Variants in NUDT5 observed in about 807,000 individuals in gnomAD.
NUDT5 encodes ADP-sugar pyrophosphatase.
In NUDT5, 21 loss-of-function variants were observed where a neutral mutation model predicts 34.1. The observed-to-expected ratio is 0.62, with a 90% CI of 0.44 to 0.89. The LOEUF (loss-of-function observed/expected upper bound fraction) is 0.89. Ranked by LOEUF, NUDT5 falls within the 40% of genes least tolerant of loss-of-function variation. The pLI is 0.00. For missense variants in NUDT5, 249 were observed against 274.8 expected, an observed-to-expected ratio of 0.91 and a Z score of 0.66; for synonymous variants, 85 against 97.6, an observed-to-expected ratio of 0.87 and a Z score of 0.76.
In NUDT5 at chr10:12,181,246, T is replaced by A. The variant is rs955413359; in HGVS notation, c.132-2114A>T. Among the ~76,000 whole-genome samples, 11 of 152,140 alleles carry A rather than the reference T, an allele frequency of 7.2e-5. No individual in the cohort carries two copies. Among genetic ancestry groups the A allele is most frequent in the Non-Finnish European group, 1.5e-4 (10 of 68,018 alleles). The stretch of plus-strand genomic sequence containing the variant: ...GTGATTACTCTAGAGATGAAGTGCG[T>A]GGGAGGATGTGCATAGGTTAGAGGC... On this transcript the variant is annotated intron_variant, in intron 3 of 9. Coordinates refer to ENST00000491614, the MANE Select transcript of NUDT5 (RefSeq NM_014142.4). This position sits in a 1 kb window ranked among gnomAD's most constrained non-coding sequence, Gnocchi z 5.0.
rs753833139 is a variant in NUDT5, at chr10:12,184,494, C to T, written c.131+395G>A. On this transcript the variant is annotated intron_variant, in intron 3 of 9. Transcript: ENST00000491614. ...GCATTTCCATGAGGCAGGCACGTAC[C>T]TCAAAATTAGCAATGTTGTTGTTTT... is the stretch of plus-strand genomic sequence containing the variant. 5 of 1,551,380 alleles carry T rather than the reference C, an allele frequency of 3.2e-6. No homozygotes were observed. In the South Asian group the frequency reaches 6.0e-5, roughly 19 times the overall value.
chr10:12,188,566 A>C (rs1835165808), intron 1 of NUDT5, among the ~76,000 whole-genome samples: 1 of 152,052 alleles, frequency 6.6e-6, no homozygotes, highest in Non-Finnish European at 1.5e-5. Flanking sequence ...CCCTGTCTCT[A>C]CTAAAAATAC....
At chr10:12,180,256 AAT>A (rs2131708249) in intron 3 of NUDT5, 1 of 152,380 alleles carries the variant, frequency 6.6e-6, no homozygotes, top group African/African-American at 2.4e-5. Context: ...CCGAAGGCCA[AAT>A]ATGTCAAAAT....
intron 3 of NUDT5, 29 bp from the exon 4 acceptor site, chr10:12,179,161 A>C: frequency 6.3e-7 from 1 of 1,599,806 alleles, no homozygotes; most frequent in South Asian, 1.1e-5. Flanking sequence ...AAAAAAAGTC[A>C]TTAGTGCTAC....
Position 12,170,265 on chromosome 10 carries a change from A to G in NUDT5, c.550+452T>C. 2.9e-6 allele frequency: 4 copies of G among 1,372,728 alleles called. No individual in the cohort carries two copies. The South Asian group carries it at 3.5e-5, about 12-fold the overall frequency. 85.0% of individuals were successfully genotyped at this position (1,372,728 alleles called of 1,614,324 possible). The stretch of plus-strand genomic sequence containing the variant: ...ATGTGAAAAGCATATCACACGGAGT[A>G]TACAGGAAATACCTCAAGTATTTGT... On this transcript the variant is annotated intron_variant, in intron 9 of 9. Coordinates refer to ENST00000491614, the MANE Select transcript of NUDT5 (RefSeq NM_014142.4). This position sits in a 1 kb window ranked among gnomAD's most constrained non-coding sequence, Gnocchi z 4.9.
chr10:12,190,485 C>T (rs1016366849), intron 1 of NUDT5, among the ~76,000 whole-genome samples: 11 of 152,130 alleles, frequency 7.2e-5, no homozygotes, highest in African/African-American at 1.9e-4. Flanking sequence ...CCCTTGAGCA[C>T]GTTACAGTTT....
At chr10:12,184,766 C>T in intron 3 of NUDT5, 123 bp downstream of exon 3, 4 of 685,814 alleles carry the variant, frequency 5.8e-6, no homozygotes, top group Middle Eastern at 5.2e-4. Context: ...GGAAAAACAG[C>T]TAAATCAGAT....
intron 9 of NUDT5, 166 bp from the exon 10 acceptor site, chr10:12,167,977 TA>T (rs1834748678): frequency 7.8e-7 from 1 of 1,281,982 alleles, no homozygotes; most frequent in Non-Finnish European, 1.0e-6. Flanking sequence ...ATAAAGACTA[TA>T]AAGGCAAGAT....
chr10:12,166,766 C>G lies in NUDT5; in HGVS notation c.*936G>C, dbSNP rs1424417535. The G allele has an allele frequency of 2.0e-6, 1 of 498,316 alleles. No homozygotes were observed. The highest frequency in any genetic ancestry group is 4.1e-6 in the Non-Finnish European group (1 of 242,688). 30.9% of individuals were successfully genotyped at this position (498,316 alleles called of 1,614,324 possible). A position where few individuals can be genotyped will look rare whatever the true frequency, so the allele number is the denominator to read the frequency against. On this transcript the variant is annotated 3_prime_UTR_variant, in exon 10 of 10. Coordinates refer to ENST00000491614, the MANE Select transcript of NUDT5 (RefSeq NM_014142.4). ...GCCCTAAAAGTCAACACAAAAAGAG[C>G]TAAACTCACTCAAGAAGCTAAGAAA... is the stretch of plus-strand genomic sequence containing the variant.
At chr10:12,184,472 T>A in intron 3 of NUDT5, 1 of 1,548,456 alleles carries the variant, frequency 6.5e-7, no homozygotes, top group Non-Finnish European at 8.7e-7. Flanking sequence ...CCAATTTGCA[T>A]TTCCATGAGG....
intron 2 of NUDT5, among the ~76,000 whole-genome samples, chr10:12,185,553 TACTGA>T (rs1186839076): frequency 2.6e-5 from 4 of 152,246 alleles, no homozygotes; most frequent in Non-Finnish European, 5.9e-5. Flanking sequence ...TACGGCACTA[TACTGA>T]ACTGAGAGGA....
intron 9 of NUDT5, 187 bp from the exon 10 acceptor site, chr10:12,167,998 A>G: frequency 4.5e-6 from 5 of 1,112,396 alleles, no homozygotes; most frequent in African/African-American, 1.6e-5. Context: ...TTACATTCCT[A>G]GCATGAGACA....
chr10:12,186,159 C>T, intron 2 of NUDT5, 70 bp downstream of exon 2: 1 of 1,134,998 alleles, frequency 8.8e-7, no homozygotes, highest in Non-Finnish European at 1.3e-6. Flanking sequence ...ATTGTAACAA[C>T]AGTCTATATA....
chr10:12,172,907 G>T, intron 6 of NUDT5, 41 bp from the exon 7 acceptor site: 3 of 1,423,122 alleles, frequency 2.1e-6, no homozygotes, highest in East Asian at 2.3e-5. Flanking sequence ...AGTCCCTTTG[G>T]CATTTGTTTC....
Position 12,186,274 on chromosome 10 carries a change from T to C in NUDT5, c.18A>G (p.Pro6=), listed in dbSNP as rs1414671209. Residue 6 remains proline, a synonymous_variant, in exon 2 of 10, where the codon CCA becomes CCG. Transcript: ENST00000491614. Reference sequence around the variant, plus strand: ...GTTTGCCATTCTGAGAAGATTCCGTTGGTTCTTGGCTCTCCATTTTCAAAC... The same window carrying C: ...GTTTGCCATTCTGAGAAGATTCCGTCGGTTCTTGGCTCTCCATTTTCAAAC... MESQE[P]TESSQNGKQY... is the part of the protein sequence containing the mutation. The C allele has an allele frequency of 6.2e-7, 1 of 1,613,744 alleles. No individual in the cohort carries two copies. Among genetic ancestry groups the C allele is most frequent in the Non-Finnish European group, 8.5e-7 (1 of 1,179,704 alleles).
Position 12,170,648 on chromosome 10 carries a change from G to C in NUDT5, c.550+69C>G. 2.2e-6 allele frequency: 3 copies of C among 1,356,230 alleles called. No individual in the cohort carries two copies. The highest frequency in any genetic ancestry group is 3.2e-6 in the Non-Finnish European group (3 of 946,668). The allele number at this position is 1,356,230 out of a possible 1,614,324, so 84.0% of individuals were successfully genotyped here. ...AGATAAAGAAATGGAGTTATATTTAGTACCCAGTTTGCTGGGATGGGGACG... is the reference window on the plus strand; with the variant it reads ...AGATAAAGAAATGGAGTTATATTTACTACCCAGTTTGCTGGGATGGGGACG... On this transcript the variant is annotated intron_variant, in intron 9 of 9. Transcript: ENST00000491614. This position sits in a 1 kb window ranked among gnomAD's most constrained non-coding sequence, Gnocchi z 4.9.
Position 12,168,012 on chromosome 10 carries a change from A to G in NUDT5, c.551-201T>C. On this transcript the variant is annotated intron_variant, in intron 9 of 9. Coordinates refer to ENST00000491614, the MANE Select transcript of NUDT5 (RefSeq NM_014142.4). This position sits in a 1 kb window ranked among gnomAD's most constrained non-coding sequence, Gnocchi z 4.8. ...ATTACATTCCTAGCATGAGACAAGA[A>G]CATCAGGGATAATGATTTTTTTTTT... 9.9e-7 allele frequency: 1 copy of G among 1,005,206 alleles called. No individual in the cohort carries two copies. The highest frequency in any genetic ancestry group is 1.3e-6 in the Non-Finnish European group (1 of 754,166). 62.3% of individuals were successfully genotyped at this position (1,005,206 alleles called of 1,614,324 possible). A position where few individuals can be genotyped will look rare whatever the true frequency, so the allele number is the denominator to read the frequency against.
At chr10:12,193,768 C>A (rs1052751086) in intron 1 of NUDT5, among the ~76,000 whole-genome samples, 9 of 152,174 alleles carry the variant, frequency 5.9e-5, no homozygotes, top group Non-Finnish European at 1.3e-4. Context: ...AAAATTCCTT[C>A]CCTGTAGTAT....
In NUDT5 at chr10:12,167,756, T is replaced by C; in HGVS notation, c.606A>G (p.Leu202=). 6.2e-7 allele frequency: 1 copy of C among 1,614,200 alleles called. No homozygotes were observed. The highest frequency in any genetic ancestry group is 8.5e-7 in the Non-Finnish European group (1 of 1,180,022). Residue 202 remains leucine, a synonymous_variant, in exon 10 of 10, where the codon CTA becomes CTG. Coordinates refer to ENST00000491614, the MANE Select transcript of NUDT5 (RefSeq NM_014142.4). ...GCTTTGCATTTGCATGTTTCAGTGC[T>C]AGAGCGTAGGAATAGACCCTGGCGT... The part of the protein sequence containing the change: ...TVDARVYSYA[L]ALKHANAKPF...
Sources: gnomAD v4.1 joint callset for allele counts (sites outside exome capture counted in the v4.1 genomes callset) on GRCh38, gnomAD v4.1.1 for gene constraint, Gnocchi (gnomAD v3.1) non-coding constraint, MANE v1.5 for transcripts, NCBI Gene and HGNC (gene_info 2026-07-23, HGNC 2026-07-21) for gene names.